SYCP2: variants seen among roughly 807,000 people sequenced by gnomAD.
SYCP2 encodes the protein synaptonemal complex protein 2.
Under a neutral mutation model 211.3 loss-of-function variants are expected in SYCP2, and 55 were observed. The observed-to-expected ratio is 0.26, with a 90% CI of 0.21 to 0.33. The LOEUF is 0.33. Among genes scored for constraint, SYCP2 ranks in the 10% least tolerant of loss-of-function variants. The probability of loss-of-function intolerance (pLI) is 1.00; values close to 1 mark genes in which losing one functional copy is unlikely to be tolerated. For missense variants in SYCP2, 1,731 were observed against 1,752.0 expected (o/e 0.99, Z 0.21); for synonymous variants, 570 against 555.2 (o/e 1.03, Z -0.37).
At chr20:59,897,488 C>A (rs556268758) in intron 18 of SYCP2, among the ~76,000 whole-genome samples, 1 of 152,102 alleles carries the variant, frequency 6.6e-6, no homozygotes, top group African/African-American at 2.4e-5. Context: ...TGGTGTTTTT[C>A]GAACTTTGGT....
chr20:59,908,688 A>G (rs950575025), intron 14 of SYCP2, among the ~76,000 whole-genome samples: 7 of 152,342 alleles, frequency 4.6e-5, no homozygotes, highest in African/African-American at 1.4e-4. Context: ...TCATAGTATT[A>G]TAAACCCAAA....
At chr20:59,865,307 C>A in intron 44 of SYCP2, 81 bp downstream of exon 44, 1 of 1,102,230 alleles carries the variant, frequency 9.1e-7, no homozygotes, top group Non-Finnish European at 1.3e-6. Flanking sequence ...AAAAGAAAGA[C>A]ATAAAAGCAC....
rs561269578 is a variant in SYCP2 at position 59,885,977 on chromosome 20, ATT to A, written c.2493-15_2493-14del. On this transcript the variant is annotated splice_polypyrimidine_tract_variant and intron_variant, in intron 25 of 44. Coordinates refer to ENST00000357552, the MANE Select transcript of SYCP2 (RefSeq NM_014258.4). ...GTTTGAAAAACCACTGTAAAAAAAGATTTTGTCAAAATTGAAAAAGCAAATCA... is the reference window on the plus strand; with the variant it reads ...GTTTGAAAAACCACTGTAAAAAAAGATTGTCAAAATTGAAAAAGCAAATCA... 52 of 1,596,464 alleles carry A rather than the reference ATT, an allele frequency of 3.3e-5. 1 individual carries two copies. In the East Asian group the frequency reaches 4.8e-4, roughly 15 times the overall value.
chr20:59,878,771 A>G (rs1345193377), intron 31 of SYCP2, among the ~76,000 whole-genome samples: 1 of 152,152 alleles, frequency 6.6e-6, no homozygotes, highest in Non-Finnish European at 1.5e-5. Flanking sequence ...CAATGTTAAT[A>G]AGATTTACCC....
chr20:59,866,601 TC>T lies in SYCP2; in HGVS notation c.4126-13del. Reference sequence around the variant, plus strand: ...ATTTTATGTCGGATCTGAAAAATACTCATTTTTAAGTTAAAATATCTTTACA... The same window carrying T: ...ATTTTATGTCGGATCTGAAAAATACTATTTTTAAGTTAAAATATCTTTACA... On this transcript the variant is annotated splice_polypyrimidine_tract_variant and intron_variant, in intron 39 of 44. Transcript: ENST00000357552. The T allele has an allele frequency of 6.5e-7, 1 of 1,548,846 alleles. No homozygotes were observed. The highest frequency in any genetic ancestry group is 8.8e-7 in the Non-Finnish European group (1 of 1,141,044).
Position 59,892,383 on chromosome 20 carries a change from A to T in SYCP2, c.1971T>A (p.Ser657=), listed in dbSNP as rs770653945. 6.4e-7 allele frequency: 1 copy of T among 1,572,480 alleles called. No individual in the cohort carries two copies. Among genetic ancestry groups the T allele is most frequent in the South Asian group, 1.2e-5 (1 of 86,244 alleles). Residue 657 remains serine (S), a synonymous_variant, in exon 24 of 45, where the codon TCT becomes TCA. Coordinates refer to ENST00000357552, the MANE Select transcript of SYCP2 (RefSeq NM_014258.4). ...CTTCAGAATTATGATCAGATATTGA[A>T]GAGGATGATTTTTGTTTAGTAAGTT... The part of the protein sequence containing the change: ...NKKLTKQKSS[S]SISDHNSEGT...
Position 59,886,831 on chromosome 20 carries a change from C to G in SYCP2, c.2368G>C (p.Glu790Gln), listed in dbSNP as rs143696415. ...GTAAATTCTTTCCCTTTTGACTTTT[C>G]TCTCTGAAAAAAATTGTAAGTTACT... ...SWDSKQKKMR[E>Q]KSKGKEFTNV... Residue 790 changes from glutamate (E) to glutamine (Q), a missense_variant, in exon 25 of 45, where the codon GAA becomes CAA. Coordinates refer to ENST00000357552, the MANE Select transcript of SYCP2 (RefSeq NM_014258.4). 8.7e-5 allele frequency: 136 copies of G among 1,567,164 alleles called. No individual in the cohort carries two copies. The African/African-American group carries it at 1.7e-3, about 20-fold the overall frequency.
chr20:59,900,518 A>G (rs1465499527), intron 17 of SYCP2, among the ~76,000 whole-genome samples: 1 of 152,150 alleles, frequency 6.6e-6, no homozygotes. Flanking sequence ...CTGCTTTTTT[A>G]AAGTTTTAAA....
intron 24 of SYCP2, among the ~76,000 whole-genome samples, chr20:59,889,387 A>G (rs1210850896): frequency 2.0e-5 from 3 of 151,242 alleles, no homozygotes; most frequent in African/African-American, 7.4e-5. Flanking sequence ...TGCTCCAAAA[A>G]TGATTTTTTT....
chr20:59,930,134 C>A (rs924202353), intron 2 of SYCP2, among the ~76,000 whole-genome samples: 1 of 152,138 alleles, frequency 6.6e-6, no homozygotes, highest in African/African-American at 2.4e-5. Context: ...TAACCATGAA[C>A]ACATTATTCA....
At chr20:59,874,574 T>C (rs2059517994) in intron 34 of SYCP2, among the ~76,000 whole-genome samples, 1 of 152,032 alleles carries the variant, frequency 6.6e-6, no homozygotes, top group South Asian at 2.1e-4. Flanking sequence ...TTATGTGAAA[T>C]TTCATAGTGG....
chr20:59,886,633 T>G, intron 25 of SYCP2, 74 bp downstream of exon 25: 1 of 1,137,334 alleles, frequency 8.8e-7, no homozygotes. Flanking sequence ...ATGTTTAAAA[T>G]TAACCTTTTT....
chr20:59,906,169 T>A (rs1405927600), intron 15 of SYCP2, among the ~76,000 whole-genome samples: 1 of 152,106 alleles, frequency 6.6e-6, no homozygotes, highest in African/African-American at 2.4e-5. Context: ...AAAACCTGAG[T>A]CATAATTCCA....
intron 7 of SYCP2, among the ~76,000 whole-genome samples, chr20:59,918,119 C>T (rs139000940): frequency 6.0e-4 from 92 of 152,276 alleles, no homozygotes; most frequent in African/African-American, 2.1e-3. Flanking sequence ...TTTATTGTGA[C>T]TTTTTGATAT....
intron 33 of SYCP2, 90 bp downstream of exon 33, chr20:59,877,295 G>A: frequency 1.1e-6 from 1 of 912,682 alleles, no homozygotes; most frequent in Non-Finnish European, 1.5e-6. Context: ...CTCTTAAGAA[G>A]TAACAGGATA....
chr20:59,880,258 A>G, intron 31 of SYCP2, 45 bp downstream of exon 31: 1 of 1,455,174 alleles, frequency 6.9e-7, no homozygotes, highest in African/African-American at 1.4e-5. Flanking sequence ...ATTGAAATAA[A>G]CTGCAAAATC....
intron 24 of SYCP2, among the ~76,000 whole-genome samples, chr20:59,888,489 G>T (rs1354987760): frequency 6.6e-6 from 1 of 151,922 alleles, no homozygotes; most frequent in African/African-American, 2.4e-5. Context: ...GGAATAAATG[G>T]AAACTTTCTC....
intron 24 of SYCP2, among the ~76,000 whole-genome samples, chr20:59,887,744 C>G (rs1001191372): frequency 6.6e-6 from 1 of 151,502 alleles, no homozygotes; most frequent in African/African-American, 2.4e-5. Flanking sequence ...AAGGAGAAAC[C>G]ATTTCTTTGA....
At chr20:59,868,035 A>C (rs1381033613) in intron 38 of SYCP2, among the ~76,000 whole-genome samples, 188 bp from the exon 39 acceptor site, 2 of 151,872 alleles carry the variant, frequency 1.3e-5, no homozygotes, top group African/African-American at 4.8e-5. Context: ...TGATTTATAA[A>C]ACAAACTTTT....
Sources: allele counts gnomAD v4.1 joint callset (sites outside exome capture counted in the v4.1 genomes callset), GRCh38; gene constraint gnomAD v4.1.1; transcripts MANE v1.5; gene names NCBI Gene and HGNC (gene_info 2026-07-23, HGNC 2026-07-21).